The following TSPAN5 variants were observed in gnomAD, a reference collection of about 807,000 sequenced individuals.
TSPAN5 encodes the protein tetraspanin-5.
A neutral mutation model predicts 37.1 loss-of-function variants in TSPAN5; 10 were observed. The ratio of observed to expected loss-of-function variants is 0.27; its 90% confidence interval spans 0.17 to 0.46. The LOEUF is 0.46. Among genes scored for constraint, TSPAN5 ranks in the 20% least tolerant of loss-of-function variants. The probability of loss-of-function intolerance (pLI) is 1.00; values close to 1 mark genes in which losing one functional copy is unlikely to be tolerated. For missense variants in TSPAN5, 195 were observed against 326.6 expected (o/e 0.60, Z 3.11); for synonymous variants, 110 against 118.9 (o/e 0.93, Z 0.48).
chr4:98,530,299 C>A (rs540738128), intron 1 of TSPAN5, among the ~76,000 whole-genome samples: 21 of 152,324 alleles, frequency 1.4e-4, no homozygotes, highest in African/African-American at 3.4e-4. Context: ...TAATGGTGAA[C>A]TTTTGTTGCT....
intron 1 of TSPAN5, among the ~76,000 whole-genome samples, chr4:98,655,618 G>C (rs550399418): frequency 6.6e-6 from 1 of 152,334 alleles, no homozygotes; most frequent in Non-Finnish European, 1.5e-5. Flanking sequence ...AAACCATGCT[G>C]TTGGCAATCT....
At chr4:98,598,032 C>T (rs1277920932) in intron 1 of TSPAN5, among the ~76,000 whole-genome samples, 4 of 89,450 alleles carry the variant, frequency 4.5e-5, no homozygotes, top group African/African-American at 2.8e-4. Flanking sequence ...GCCCCTCCCC[C>T]AGCCTCGTTG....
At chr4:98,577,039 G>A (rs148714367) in intron 1 of TSPAN5, among the ~76,000 whole-genome samples, 1,885 of 152,248 alleles carry the variant, frequency 0.012, 51 homozygotes, top group African/African-American at 0.043. Context: ...GGGATTGCAG[G>A]TGTGAGCCAC....
chr4:98,575,927 G>C (rs1163067179), intron 1 of TSPAN5, among the ~76,000 whole-genome samples: 1 of 151,934 alleles, frequency 6.6e-6, no homozygotes, highest in Non-Finnish European at 1.5e-5. Context: ...AAAATAGCTG[G>C]GTGTGGTGGT....
chr4:98,520,813 T>TGG (rs1047780657), intron 1 of TSPAN5, among the ~76,000 whole-genome samples: 1 of 152,190 alleles, frequency 6.6e-6, no homozygotes, highest in African/African-American at 2.4e-5. Flanking sequence ...CTGTGTCATC[T>TGG]GGTACCTGCA....
At chr4:98,652,207 A>G (rs2110292660) in intron 1 of TSPAN5, among the ~76,000 whole-genome samples, 1 of 152,232 alleles carries the variant, frequency 6.6e-6, no homozygotes, top group African/African-American at 2.4e-5. Flanking sequence ...TGCGCAAGAC[A>G]CTGGGCTTAT....
chr4:98,513,873 G>A (rs903922072), intron 1 of TSPAN5, among the ~76,000 whole-genome samples: 2 of 99,302 alleles, frequency 2.0e-5, no homozygotes, highest in Admixed American at 1.0e-4. Context: ...TAGATAGATA[G>A]ATAGATAGAT....
intron 1 of TSPAN5, among the ~76,000 whole-genome samples, chr4:98,629,585 C>A (rs914581737): frequency 6.6e-6 from 1 of 152,160 alleles, no homozygotes; most frequent in African/African-American, 2.4e-5. Flanking sequence ...ATTTAAGTTG[C>A]TGCTAAATCT....
rs1037987777 is a variant in TSPAN5, at chr4:98,658,335, G to A, written c.-109C>T. On this transcript the variant is annotated 5_prime_UTR_variant, in exon 1 of 8. Transcript: ENST00000305798. ...GCAGGAGCTCAGGGACACCGCACGG[G>A]GCCGCGGCGCTGGCGGCCTGGGCTC... 21 of 902,582 alleles carry A rather than the reference G, an allele frequency of 2.3e-5. No homozygotes were observed. The highest frequency in any genetic ancestry group is 3.4e-5 in the Non-Finnish European group (19 of 559,598). 55.9% of individuals were successfully genotyped at this position (902,582 alleles called of 1,614,324 possible). A position where few individuals can be genotyped will look rare whatever the true frequency, so the allele number is the denominator to read the frequency against.
chr4:98,644,112 ATTGAT>A (rs1228451343), intron 1 of TSPAN5, among the ~76,000 whole-genome samples: 1 of 151,642 alleles, frequency 6.6e-6, no homozygotes, highest in African/African-American at 2.4e-5. Flanking sequence ...AAGGAGATTT[ATTGAT>A]TTATTTTTTT....
At chr4:98,574,572 A>G (rs1468665669) in intron 1 of TSPAN5, 1 of 152,140 alleles carries the variant, frequency 6.6e-6, no homozygotes, top group African/African-American at 2.4e-5. Context: ...CCTTCCTTCC[A>G]CGGCAATGTC....
chr4:98,482,362 T>G (rs1752859417), intron 3 of TSPAN5, 187 bp from the exon 4 acceptor site: 1 of 517,966 alleles, frequency 1.9e-6, no homozygotes, highest in Non-Finnish European at 3.3e-6. Context: ...CTTTTAAAAA[T>G]CATTTTATAA....
At position 98,647,923 on chromosome 4, in the gene TSPAN5, A is replaced by G. The variant is rs75458721; in HGVS notation, c.81+10223T>C. Among the ~76,000 whole-genome samples the G allele has an allele frequency of 3.0e-3, 453 of 152,266 alleles. 3 individuals are homozygous for G. Among genetic ancestry groups the G allele is most frequent in the African/African-American group, 0.01 (429 of 41,550 alleles). ...GTAAAACAGCTCAGAGAAATAATAC[A>G]GAGTTTTATTCAAAATGTTATTTTT... On this transcript the variant is annotated intron_variant, in intron 1 of 7. Coordinates refer to ENST00000305798, the MANE Select transcript of TSPAN5 (RefSeq NM_005723.4).
intron 2 of TSPAN5, 97 bp downstream of exon 2, chr4:98,507,581 T>C: frequency 1.2e-6 from 1 of 866,328 alleles, no homozygotes; most frequent in Non-Finnish European, 1.8e-6. Context: ...GCCATGTTTA[T>C]ACTCTGTGGT....
At chr4:98,523,729 G>A (rs1753904336) in intron 1 of TSPAN5, among the ~76,000 whole-genome samples, 3 of 152,296 alleles carry the variant, frequency 2.0e-5, no homozygotes, top group African/African-American at 4.8e-5. Context: ...ATAAGCCACC[G>A]TGCCCAGCTT....
intron 1 of TSPAN5, among the ~76,000 whole-genome samples, chr4:98,556,388 A>G (rs1754752201): frequency 6.6e-6 from 1 of 152,200 alleles, no homozygotes; most frequent in South Asian, 2.1e-4. Flanking sequence ...GAAAAATATG[A>G]AACACTGAGA....
At position 98,616,868 on chromosome 4, in the gene TSPAN5, A is replaced by ATTTT. The variant is rs59868555; in HGVS notation, c.81+41274_81+41277dup. ...CTAGATATTGAGAAGCTCCACGTAAATTTTTTTTTTTTTGGAAACAGAGTC... is the reference window on the plus strand; with the variant it reads ...CTAGATATTGAGAAGCTCCACGTAAATTTTTTTTTTTTTTTTTGGAAACAGAGTC... On this transcript the variant is annotated intron_variant, in intron 1 of 7. Coordinates refer to ENST00000305798, the MANE Select transcript of TSPAN5 (RefSeq NM_005723.4). Among the ~76,000 whole-genome samples the ATTTT allele has an allele frequency of 5.7e-3, 817 of 144,304 alleles. 17 individuals carry two copies. Among genetic ancestry groups the ATTTT allele is most frequent in the African/African-American group, 0.017 (659 of 38,384 alleles). 94.7% of individuals were successfully genotyped at this position (144,304 alleles called of 152,430 possible).
rs77539338 is a variant in TSPAN5 at position 98,489,581 on chromosome 4, C to G, written c.133-2697G>C. Among the ~76,000 whole-genome samples the G allele has an allele frequency of 3.8e-3, 573 of 152,258 alleles. 5 individuals carry two copies. The highest frequency in any genetic ancestry group is 0.013 in the African/African-American group (548 of 41,554). On this transcript the variant is annotated intron_variant, in intron 2 of 7. Transcript: ENST00000305798. ...TCGAACTGAGCTTTCACTCGCCGTC[C>G]ACCACTGCTGATTGCCGTCGTTGTA...
chr4:98,548,926 A>C (rs1314916446), intron 1 of TSPAN5, among the ~76,000 whole-genome samples: 2 of 147,026 alleles, frequency 1.4e-5, no homozygotes, highest in Non-Finnish European at 3.0e-5. Flanking sequence ...TGTGTAACCC[A>C]CATTTTCTGT....
Sources: allele counts gnomAD v4.1 joint callset (sites outside exome capture counted in the v4.1 genomes callset), GRCh38; gene constraint gnomAD v4.1.1; transcripts MANE v1.5; gene names NCBI Gene and HGNC (gene_info 2026-07-23, HGNC 2026-07-21).